BTBD7: variants seen among roughly 807,000 people sequenced by gnomAD.
BTBD7 encodes BTB/POZ domain-containing protein 7.
In BTBD7, 38 loss-of-function variants were observed where a neutral mutation model predicts 99.9. That is an observed-to-expected ratio of 0.38 (90% CI 0.29 to 0.50). BTBD7 has a LOEUF of 0.50. Ranked by LOEUF, BTBD7 falls within the 20% of genes least tolerant of loss-of-function variation. The probability of loss-of-function intolerance (pLI) is 0.93; values close to 1 mark genes in which losing one functional copy is unlikely to be tolerated. For synonymous variants in BTBD7, 520 were observed against 511.4 expected, an observed-to-expected ratio of 1.02 and a Z score of -0.23; for missense variants, 1,170 against 1,394.6, an observed-to-expected ratio of 0.84 and a Z score of 2.57.
rs1473970369 is a variant in BTBD7 at position 93,257,229 on chromosome 14, A to T, written c.1574T>A (p.Ile525Asn). ...SLLPFVRIEH[I>N]LPINSEVLSD... ...TAAGACTTCACTGTTTATAGGTAAGATGTGTTCAATTCGCACAAAAGGTAA... is the reference window on the plus strand; with the variant it reads ...TAAGACTTCACTGTTTATAGGTAAGTTGTGTTCAATTCGCACAAAAGGTAA... Residue 525 changes from isoleucine to asparagine, a missense_variant, in exon 6 of 11, where the codon ATC becomes AAC. This residue lies in a region of BTBD7 where 309 missense variants were observed against 342.0 expected (regional missense o/e 0.90). Transcript: ENST00000334746. 3.7e-6 allele frequency: 6 copies of T among 1,614,044 alleles called. No individual in the cohort carries two copies. The highest frequency in any genetic ancestry group is 5.1e-6 in the Non-Finnish European group (6 of 1,180,008).
chr14:93,251,394 A>G (rs1163688673), intron 8 of BTBD7, 69 bp downstream of exon 8: 1 of 1,471,434 alleles, frequency 6.8e-7, no homozygotes, highest in Non-Finnish European at 9.2e-7. Context: ...AGAGAGGCTC[A>G]AACATCAGCA....
intron 1 of BTBD7, among the ~76,000 whole-genome samples, chr14:93,331,832 G>T (rs929890859): frequency 6.0e-5 from 9 of 149,622 alleles, no homozygotes; most frequent in African/African-American, 2.3e-4. Context: ...AGTGAGTCGA[G>T]ATCGCACCAC....
intron 1 of BTBD7, among the ~76,000 whole-genome samples, chr14:93,331,832 G>A (rs929890859): frequency 1.3e-5 from 2 of 149,518 alleles, no homozygotes; most frequent in South Asian, 2.1e-4. Flanking sequence ...AGTGAGTCGA[G>A]ATCGCACCAC....
At chr14:93,300,177 CAG>C (rs2052976905) in intron 1 of BTBD7, among the ~76,000 whole-genome samples, 1 of 151,330 alleles carries the variant, frequency 6.6e-6, no homozygotes, top group South Asian at 2.1e-4. Context: ...AACGTCGAAA[CAG>C]AGTTCCAAAA....
intron 4 of BTBD7, 109 bp downstream of exon 4, chr14:93,263,676 G>T: frequency 2.8e-6 from 3 of 1,071,020 alleles, no homozygotes; most frequent in African/African-American, 1.6e-5. Flanking sequence ...TTTGATCACA[G>T]CCTGTTTCTC....
intron 3 of BTBD7, among the ~76,000 whole-genome samples, chr14:93,292,602 A>G (rs940528444): frequency 6.6e-6 from 1 of 152,332 alleles, no homozygotes; most frequent in African/African-American, 2.4e-5. Context: ...TTTCCCACTC[A>G]TGTTTATCAA....
intron 1 of BTBD7, among the ~76,000 whole-genome samples, chr14:93,323,983 G>C (rs2053299272): frequency 6.6e-6 from 1 of 152,236 alleles, no homozygotes; most frequent in South Asian, 2.1e-4. Flanking sequence ...CAGTCATGTA[G>C]AGGAGTCAGG....
In BTBD7 at chr14:93,263,767, A is replaced by G; in HGVS notation, c.1371+18T>C. Reference sequence around the variant, plus strand: ...GCACATATGAATGACAGAGTTTGAGAGGTGTTTAAATGATTACCTGTAGGT... The same window carrying G: ...GCACATATGAATGACAGAGTTTGAGGGGTGTTTAAATGATTACCTGTAGGT... On this transcript the variant is annotated intron_variant, in intron 4 of 10. Coordinates refer to ENST00000334746, the MANE Select transcript of BTBD7 (RefSeq NM_001002860.4). 1 of 1,596,924 alleles carries G rather than the reference A, an allele frequency of 6.3e-7. No homozygotes were observed. The highest frequency in any genetic ancestry group is 8.6e-7 in the Non-Finnish European group (1 of 1,164,454).
intron 1 of BTBD7, among the ~76,000 whole-genome samples, chr14:93,305,550 GGTAATTTTTCCTTAATCCCATT>G (rs1318916066): frequency 6.6e-6 from 1 of 152,152 alleles, no homozygotes; most frequent in Non-Finnish European, 1.5e-5. Context: ...TTATAACTAT[GGTAATTTTTCCTTAATCCCATT>G]GCTTGTTCTG....
chr14:93,287,037 G>C (rs2052786574), intron 3 of BTBD7, among the ~76,000 whole-genome samples: 1 of 151,914 alleles, frequency 6.6e-6, no homozygotes, highest in Non-Finnish European at 1.5e-5. Flanking sequence ...AGACCAGCCT[G>C]GCCAACAGAG....
intron 1 of BTBD7, among the ~76,000 whole-genome samples, chr14:93,303,880 G>C (rs775701013): frequency 1.3e-5 from 2 of 152,200 alleles, no homozygotes; most frequent in Admixed American, 6.5e-5. Context: ...AATGGGAGTC[G>C]CTTATTCCTC....
chr14:93,318,877 A>G (rs2053238166), intron 1 of BTBD7, among the ~76,000 whole-genome samples: 1 of 152,202 alleles, frequency 6.6e-6, no homozygotes, highest in African/African-American at 2.4e-5. Context: ...GTAACTATAT[A>G]GTCCAAAGAC....
At chr14:93,315,765 A>C in intron 1 of BTBD7, among the ~76,000 whole-genome samples, 1 of 152,128 alleles carries the variant, frequency 6.6e-6, no homozygotes, top group East Asian at 1.9e-4. Context: ...TTGCTGTATA[A>C]TATTTCATTG....
At chr14:93,261,743 CT>C in intron 4 of BTBD7, 66 bp from the exon 5 acceptor site, 1 of 1,206,172 alleles carries the variant, frequency 8.3e-7, no homozygotes, top group South Asian at 1.3e-5. Flanking sequence ...TCATTAAGGA[CT>C]TTTCGTAGGT....
intron 3 of BTBD7, among the ~76,000 whole-genome samples, chr14:93,288,981 ATCTC>A (rs571777534): frequency 2.9e-4 from 44 of 152,176 alleles, no homozygotes; most frequent in African/African-American, 9.4e-4. Context: ...CAGATTTGGA[ATCTC>A]TCTAATTTCT....
chr14:93,241,529 G>A lies in BTBD7; in HGVS notation c.*744C>T, dbSNP rs2052229691. The stretch of plus-strand genomic sequence containing the variant: ...ACTCTAATCCTTATGACCAGAATGT[G>A]CAGGGATTCTGACTGCATCCACACT... On this transcript the variant is annotated 3_prime_UTR_variant, in exon 11 of 11. Transcript: ENST00000334746. The A allele has an allele frequency of 6.6e-6, 1 of 152,378 alleles. No homozygotes were observed. Among genetic ancestry groups the A allele is most frequent in the Middle Eastern group, 3.4e-3 (1 of 294 alleles). The allele number at this position is 152,378 out of a possible 1,614,324, so 9.4% of individuals were successfully genotyped here.
At chr14:93,283,892 C>G (rs1008029492) in intron 3 of BTBD7, among the ~76,000 whole-genome samples, 1 of 152,154 alleles carries the variant, frequency 6.6e-6, no homozygotes, top group African/African-American at 2.4e-5. Flanking sequence ...GGTGAATAAA[C>G]ATTCCACTTT....
At chr14:93,297,728 C>T (rs574134730) in intron 1 of BTBD7, among the ~76,000 whole-genome samples, 1 of 152,296 alleles carries the variant, frequency 6.6e-6, no homozygotes, top group Admixed American at 6.5e-5. Flanking sequence ...AAAATAAGGG[C>T]CTGGAGGCCA....
At chr14:93,280,650 T>A (rs997375515) in intron 3 of BTBD7, among the ~76,000 whole-genome samples, 5 of 152,140 alleles carry the variant, frequency 3.3e-5, no homozygotes, top group African/African-American at 4.8e-5. Context: ...TTTTAATATA[T>A]CAAGTAATCC....
Sources: allele counts gnomAD v4.1 joint callset (sites outside exome capture counted in the v4.1 genomes callset), GRCh38; gene constraint gnomAD v4.1.1; regional missense constraint gnomAD v4.1.1; transcripts MANE v1.5; gene names NCBI Gene and HGNC (gene_info 2026-07-23, HGNC 2026-07-21).